PARD3: variants seen among roughly 807,000 people sequenced by gnomAD.
PARD3 encodes the protein par-3 family cell polarity regulator.
In PARD3, 75 loss-of-function variants were observed where a neutral mutation model predicts 155.4. That is an observed-to-expected ratio of 0.48 (90% CI 0.40 to 0.58). The LOEUF (loss-of-function observed/expected upper bound fraction) is 0.58, where lower values mean the gene tolerates loss of function less well. Ranked by LOEUF, PARD3 falls within the 20% of genes least tolerant of loss-of-function variation. The probability of loss-of-function intolerance (pLI) is 0.00; values close to 1 mark genes in which losing one functional copy is unlikely to be tolerated. For synonymous variants in PARD3, 576 were observed against 610.5 expected (o/e 0.94, Z 0.83); for missense variants, 1,642 against 1,721.7 (o/e 0.95, Z 0.82).
intron 18 of PARD3, among the ~76,000 whole-genome samples, chr10:34,332,867 A>C (rs543935400): frequency 6.6e-5 from 10 of 152,104 alleles, no homozygotes; most frequent in Non-Finnish European, 1.3e-4. Flanking sequence ...TGACAACTGC[A>C]TTTTCTAAAT....
At chr10:34,409,319 G>A (rs188789533) in intron 5 of PARD3, among the ~76,000 whole-genome samples, 1 of 152,050 alleles carries the variant, frequency 6.6e-6, no homozygotes, top group African/African-American at 2.4e-5. Flanking sequence ...GTTCCAATAT[G>A]TAAGTCTTCT....
At chr10:34,345,555 G>A (rs76595377) in intron 15 of PARD3, 13,680 of 985,076 alleles carry the variant, frequency 0.014, 119 homozygotes, top group Non-Finnish European at 0.015. Context: ...ACAGTCTGAG[G>A]AATATCTATG....
At chr10:34,637,512 G>A (rs759786383) in intron 2 of PARD3, among the ~76,000 whole-genome samples, 6 of 152,144 alleles carry the variant, frequency 3.9e-5, no homozygotes, top group African/African-American at 7.2e-5. Flanking sequence ...AGAATTTCCC[G>A]GATCGTGCAT....
At chr10:34,369,529 C>G (rs1840367784) in intron 12 of PARD3, among the ~76,000 whole-genome samples, 1 of 151,962 alleles carries the variant, frequency 6.6e-6, no homozygotes, top group Admixed American at 6.6e-5. Flanking sequence ...TGAATAAATG[C>G]CAGTCATAGA....
chr10:34,187,901 C>T (rs1015578699), intron 22 of PARD3, among the ~76,000 whole-genome samples: 3 of 152,054 alleles, frequency 2.0e-5, no homozygotes, highest in Admixed American at 6.6e-5. Flanking sequence ...TCTACCGTGG[C>T]GATGAAAAAC....
In PARD3 at chr10:34,111,014, C is replaced by T. The variant is rs1047284855; in HGVS notation, c.*155G>A. ...GACATAGTGGCAAAGACATTAAGGC[C>T]TTCCATTTCTTTGCCTACACCGCTT... On this transcript the variant is annotated 3_prime_UTR_variant, in exon 25 of 25. Transcript: ENST00000374788. 1.2e-5 allele frequency: 9 copies of T among 723,732 alleles called. No individual in the cohort carries two copies. In the Admixed American group the frequency reaches 2.5e-4, roughly 20 times the overall value. 44.8% of individuals were successfully genotyped at this position (723,732 alleles called of 1,614,324 possible). A position where few individuals can be genotyped will look rare whatever the true frequency, so the allele number is the denominator to read the frequency against.
chr10:34,581,348 C>T (rs2087464500), intron 2 of PARD3, among the ~76,000 whole-genome samples: 2 of 144,814 alleles, frequency 1.4e-5, no homozygotes, highest in South Asian at 4.4e-4. Context: ...GATTCTCCTT[C>T]CTCAGCCTCC....
chr10:34,797,661 C>T (rs1350172159), intron 1 of PARD3, among the ~76,000 whole-genome samples: 1 of 152,132 alleles, frequency 6.6e-6, no homozygotes, highest in Non-Finnish European at 1.5e-5. Flanking sequence ...CCATAGTTGA[C>T]CGGTTTCTAT....
chr10:34,538,276 C>T (rs1415081301), intron 2 of PARD3, among the ~76,000 whole-genome samples: 5 of 152,304 alleles, frequency 3.3e-5, no homozygotes, highest in Admixed American at 2.6e-4. Flanking sequence ...ATCTTAAAAA[C>T]AACAGGAACA....
At position 34,779,482 on chromosome 10, in the gene PARD3, A is replaced by G. The variant is rs184097363; in HGVS notation, c.120+35394T>C. 4.9e-3 allele frequency among the ~76,000 whole-genome samples: 745 copies of G among 151,136 alleles called. 5 individuals carry two copies. Among genetic ancestry groups the G allele is most frequent in the Non-Finnish European group, 8.6e-3 (583 of 67,768 alleles). The stretch of plus-strand genomic sequence containing the variant: ...AAAAAATTAAAAAAATTAGCCAGGC[A>G]TGGTGGCGGGCTCCTGTAGTCCTAA... On this transcript the variant is annotated intron_variant, in intron 1 of 24. Transcript: ENST00000374788.
At chr10:34,521,652 T>C (rs2082155378) in intron 2 of PARD3, among the ~76,000 whole-genome samples, 1 of 152,122 alleles carries the variant, frequency 6.6e-6, no homozygotes, top group Non-Finnish European at 1.5e-5. Flanking sequence ...ATAGCCCAAG[T>C]AGAAATAAAC....
chr10:34,747,480 G>T (rs1450293050), intron 1 of PARD3, among the ~76,000 whole-genome samples: 1 of 152,120 alleles, frequency 6.6e-6, no homozygotes, highest in East Asian at 1.9e-4. Context: ...AGCAAAAATG[G>T]ATCGCTAAAT....
chr10:34,442,931 T>C (rs1211923253), intron 5 of PARD3, among the ~76,000 whole-genome samples: 2 of 152,096 alleles, frequency 1.3e-5, no homozygotes, highest in Middle Eastern at 3.4e-3. Flanking sequence ...CCAGAAAACA[T>C]CTTCTTTATG....
At chr10:34,245,889 G>A (rs1255452664) in intron 22 of PARD3, among the ~76,000 whole-genome samples, 1 of 152,202 alleles carries the variant, frequency 6.6e-6, no homozygotes, top group Non-Finnish European at 1.5e-5. Context: ...CCACAGAGCG[G>A]CACTACTACA....
At chr10:34,653,697 C>G (rs2093082058) in intron 2 of PARD3, among the ~76,000 whole-genome samples, 1 of 151,220 alleles carries the variant, frequency 6.6e-6, no homozygotes, top group South Asian at 2.1e-4. Context: ...GCAGGAGGAT[C>G]ACTTGAGCCC....
intron 1 of PARD3, among the ~76,000 whole-genome samples, chr10:34,797,033 T>C (rs999928839): frequency 3.3e-5 from 5 of 152,092 alleles, no homozygotes; most frequent in Admixed American, 3.3e-4. Flanking sequence ...ACATAAAAAT[T>C]GTCAGACCCA....
At chr10:34,122,195 G>C (rs1379674920) in intron 23 of PARD3, among the ~76,000 whole-genome samples, 1 of 152,194 alleles carries the variant, frequency 6.6e-6, no homozygotes, top group Non-Finnish European at 1.5e-5. Context: ...TCTGCAGCAG[G>C]ATTTAGTAAC....
intron 22 of PARD3, among the ~76,000 whole-genome samples, chr10:34,261,847 C>A (rs7911053): frequency 0.56 from 72,315 of 129,188 alleles, 19,580 homozygotes; most frequent in Middle Eastern, 0.66. Context: ...CAAACAAACA[C>A]ACACACACTG....
chr10:34,742,757 C>A (rs1003805698), intron 1 of PARD3, among the ~76,000 whole-genome samples: 2 of 152,144 alleles, frequency 1.3e-5, no homozygotes, highest in Non-Finnish European at 2.9e-5. Context: ...GCATTGTTTG[C>A]AATTATCTGT....
Sources: gnomAD v4.1 joint callset for allele counts (sites outside exome capture counted in the v4.1 genomes callset) on GRCh38, gnomAD v4.1.1 for gene constraint, MANE v1.5 for transcripts, NCBI Gene and HGNC (gene_info 2026-07-23, HGNC 2026-07-21) for gene names.